The following PRELID2 variants were observed in gnomAD, a reference collection of about 807,000 sequenced individuals.
PRELID2 encodes PRELI domain containing 2.
A neutral mutation model predicts 28.4 loss-of-function variants in PRELID2; 25 were observed. That is an observed-to-expected ratio of 0.88 (90% CI 0.64 to 1.23). The LOEUF (loss-of-function observed/expected upper bound fraction) is 1.23. PRELID2 is among the 50% of genes most tolerant of loss of function. The pLI, the probability that PRELID2 is intolerant of heterozygous loss-of-function variation, is 0.00. For synonymous variants in PRELID2, 76 were observed against 71.6 expected, an observed-to-expected ratio of 1.06 and a Z score of -0.31; for missense variants, 201 against 214.4, an observed-to-expected ratio of 0.94 and a Z score of 0.39.
At chr5:145,310,284 G>A in the PRELID2 span, among the ~76,000 whole-genome samples, 3 of 152,178 alleles carry the variant, frequency 2.0e-5, no homozygotes, top group East Asian at 1.9e-4. Context: ...TGGATAGAGG[G>A]AGAGAATGTG....
chr5:145,493,270 A>T (rs1752283137), intron 1 of PRELID2, among the ~76,000 whole-genome samples: 1 of 152,140 alleles, frequency 6.6e-6, no homozygotes, highest in Non-Finnish European at 1.5e-5. Context: ...CTCGCTGCCT[A>T]TGTCCAGATG....
chr5:145,327,748 T>C, the PRELID2 span, among the ~76,000 whole-genome samples: 2 of 152,150 alleles, frequency 1.3e-5, no homozygotes, highest in African/African-American at 4.8e-5. Flanking sequence ...TTGATGCCTT[T>C]GTCTTTACTT....
At chr5:145,797,395 C>T (rs553751751) in intron 4 of PRELID2, among the ~76,000 whole-genome samples, 3 of 152,078 alleles carry the variant, frequency 2.0e-5, no homozygotes, top group South Asian at 4.1e-4. Flanking sequence ...CATAGTGTAA[C>T]GCAATCAAGA....
chr5:145,833,168 G>A (rs143416844), intron 1 of PRELID2, among the ~76,000 whole-genome samples: 70 of 152,250 alleles, frequency 4.6e-4, no homozygotes, highest in Middle Eastern at 3.4e-3. Flanking sequence ...CAGGACCTCC[G>A]TAAATAAGAG....
chr5:145,470,641 A>G (rs1752045990), downstream of PRELID2, among the ~76,000 whole-genome samples: 1 of 152,152 alleles, frequency 6.6e-6, no homozygotes, highest in South Asian at 2.1e-4. Flanking sequence ...ATCTGTTATA[A>G]GCTGGGTCAT....
chr5:145,327,150 T>C, the PRELID2 span, among the ~76,000 whole-genome samples: 1 of 152,290 alleles, frequency 6.6e-6, no homozygotes, highest in East Asian at 1.9e-4. Flanking sequence ...TATATTGTTA[T>C]TCAGGTCCAC....
the PRELID2 span, among the ~76,000 whole-genome samples, chr5:145,261,696 C>G: frequency 6.6e-6 from 1 of 152,136 alleles, no homozygotes; most frequent in Non-Finnish European, 1.5e-5. Context: ...GAACAGAAGC[C>G]CTTGAGCCCC....
chr5:145,311,611 T>C, the PRELID2 span, among the ~76,000 whole-genome samples: 2 of 152,138 alleles, frequency 1.3e-5, no homozygotes, highest in African/African-American at 4.8e-5. Context: ...ACATAGTATA[T>C]TTTCTTCTAC....
chr5:145,570,357 A>G (rs938668895), intron 1 of PRELID2, among the ~76,000 whole-genome samples: 2 of 152,128 alleles, frequency 1.3e-5, no homozygotes, highest in African/African-American at 4.8e-5. Context: ...ACATACTCCT[A>G]TGGGATATTT....
At chr5:145,358,288 C>T in the PRELID2 span, among the ~76,000 whole-genome samples, 3 of 151,966 alleles carry the variant, frequency 2.0e-5, no homozygotes, top group African/African-American at 4.8e-5. Context: ...GAGTTGTTCA[C>T]CTTGTCCTCT....
At chr5:145,465,179 CT>C in the PRELID2 span, among the ~76,000 whole-genome samples, 1 of 152,004 alleles carries the variant, frequency 6.6e-6, no homozygotes, top group African/African-American at 2.4e-5. Flanking sequence ...AGTTTTCCAC[CT>C]TCTGATATTA....
chr5:145,290,908 T>G, the PRELID2 span, among the ~76,000 whole-genome samples: 1 of 151,920 alleles, frequency 6.6e-6, no homozygotes, highest in African/African-American at 2.4e-5. Context: ...ATATAATCCA[T>G]GCTGTGGGTT....
At chr5:145,576,367 C>A (rs1475900514) in intron 1 of PRELID2, among the ~76,000 whole-genome samples, 1 of 152,102 alleles carries the variant, frequency 6.6e-6, no homozygotes, top group African/African-American at 2.4e-5. Context: ...TGGACTCATA[C>A]AACATGCGGT....
chr5:145,289,582 A>T, the PRELID2 span, among the ~76,000 whole-genome samples: 1 of 152,168 alleles, frequency 6.6e-6, no homozygotes. Flanking sequence ...ATCTGTGTGG[A>T]CATTCATTTT....
At chr5:145,353,585 G>A in the PRELID2 span, among the ~76,000 whole-genome samples, 21 of 152,268 alleles carry the variant, frequency 1.4e-4, no homozygotes, top group East Asian at 3.7e-3. Context: ...CAATCATGGT[G>A]GAAGGGGAAG....
At chr5:145,661,973 C>G (rs1754503662) in intron 1 of PRELID2, among the ~76,000 whole-genome samples, 1 of 152,036 alleles carries the variant, frequency 6.6e-6, no homozygotes, top group African/African-American at 2.4e-5. Flanking sequence ...TGAATTGGCA[C>G]TCTGCTTACT....
the PRELID2 span, chr5:145,437,189 G>A: frequency 2.0e-5 from 3 of 152,200 alleles, no homozygotes; most frequent in African/African-American, 7.2e-5. Flanking sequence ...CAGCCTTGCT[G>A]AGGAGGCGTT....
chr5:145,732,187 C>T (rs1276458102), intron 1 of PRELID2, among the ~76,000 whole-genome samples: 1 of 152,176 alleles, frequency 6.6e-6, no homozygotes, highest in Non-Finnish European at 1.5e-5. Flanking sequence ...TGATTAGGAA[C>T]ACATTTTGCA....
At chr5:145,645,361 T>A (rs1754179313) in intron 1 of PRELID2, among the ~76,000 whole-genome samples, 1 of 144,876 alleles carries the variant, frequency 6.9e-6, no homozygotes, top group South Asian at 2.2e-4. Context: ...TTTTTTTTTT[T>A]TTTGGCTTTT....
Sources: gnomAD v4.1 joint callset for allele counts (sites outside exome capture counted in the v4.1 genomes callset) on GRCh38, gnomAD v4.1.1 for gene constraint, MANE v1.5 for transcripts, NCBI Gene and HGNC (gene_info 2026-07-23, HGNC 2026-07-21) for gene names.